The following APOO variants were observed in gnomAD, a reference collection of about 807,000 sequenced individuals.
The protein encoded by APOO is apolipoprotein O.
In APOO, 11 loss-of-function variants were observed where a neutral mutation model predicts 23.1. The ratio of observed to expected loss-of-function variants is 0.48; its 90% CI spans 0.30 to 0.79. APOO has a LOEUF of 0.79. Among genes scored for constraint, APOO ranks in the 30% least tolerant of loss-of-function variants. The pLI is 0.07. For synonymous variants in APOO, 59 were observed against 54.8 expected (o/e 1.08, Z -0.34); for missense variants, 160 against 142.7 (o/e 1.12, Z -0.62).
intron 5 of APOO, among the ~76,000 whole-genome samples, chrX:23,864,601 C>T (rs1925255369): frequency 8.9e-6 from 1 of 112,183 alleles, no homozygotes; most frequent in African/African-American, 3.2e-5. Flanking sequence ...TGTACCCCGA[C>T]AGAATGTGTA....
chrX:23,867,780 G>A (rs1925412899), intron 5 of APOO, among the ~76,000 whole-genome samples: 1 of 111,491 alleles, frequency 9.0e-6, no homozygotes, highest in Admixed American at 9.6e-5. Context: ...CTGACCTTGT[G>A]ATCCACCTGC....
chrX:23,896,459 G>C (rs1926910391), intron 1 of APOO, among the ~76,000 whole-genome samples: 2 of 111,382 alleles, frequency 1.8e-5, no homozygotes, highest in African/African-American at 6.5e-5. Flanking sequence ...TTCCAAATGA[G>C]GAAGAGTAAA....
intron 1 of APOO, among the ~76,000 whole-genome samples, chrX:23,892,152 C>T (rs1200770548): frequency 1.8e-5 from 2 of 109,531 alleles, no homozygotes; most frequent in Non-Finnish European, 3.8e-5. Flanking sequence ...GGCGCAATCT[C>T]GGCTCAAGAC....
chrX:23,871,802 G>C (rs755197518), intron 4 of APOO, among the ~76,000 whole-genome samples: 27 of 111,738 alleles, frequency 2.4e-4, no homozygotes, highest in African/African-American at 8.4e-4. Context: ...TGGCAGAATG[G>C]TGACTTAAAA....
At chrX:23,844,746 C>T (rs1013066708) in intron 7 of APOO, among the ~76,000 whole-genome samples, 3 of 112,198 alleles carry the variant, frequency 2.7e-5, no homozygotes, top group Non-Finnish European at 5.6e-5. Flanking sequence ...TAATCATTTG[C>T]ACTACTTTCA....
chrX:23,841,697 A>G (rs1923991051), intron 7 of APOO, among the ~76,000 whole-genome samples: 1 of 107,682 alleles, frequency 9.3e-6, no homozygotes, highest in African/African-American at 3.4e-5. Context: ...CTCCAGAGCC[A>G]CTCCCCACCC....
At chrX:23,875,000 A>G (rs2147010907) in intron 3 of APOO, among the ~76,000 whole-genome samples, 1 of 111,891 alleles carries the variant, frequency 8.9e-6, no homozygotes, top group Admixed American at 9.5e-5. Flanking sequence ...CTGTAATCCC[A>G]GCACTTTGGG....
chrX:23,867,254 T>C (rs1322860198), intron 5 of APOO, among the ~76,000 whole-genome samples: 1 of 112,023 alleles, frequency 8.9e-6, no homozygotes, highest in Non-Finnish European at 1.9e-5. Context: ...AATCTCATGT[T>C]GAAATGTGAA....
chrX:23,847,613 G>A (rs1924306438), intron 7 of APOO, among the ~76,000 whole-genome samples: 3 of 109,046 alleles, frequency 2.8e-5, no homozygotes, highest in South Asian at 7.8e-4. Context: ...GCGACAGTGC[G>A]AGACTCCATC....
chrX:23,834,116 C>T (rs760650220), intron 8 of APOO, among the ~76,000 whole-genome samples: 12 of 110,282 alleles, frequency 1.1e-4, no homozygotes, highest in Non-Finnish European at 1.9e-4. Flanking sequence ...TCAGAAAGGT[C>T]GAGTGTGGTG....
intron 1 of APOO, among the ~76,000 whole-genome samples, chrX:23,884,651 T>C (rs139519170): frequency 0.016 from 1,724 of 109,288 alleles, 28 homozygotes; most frequent in African/African-American, 0.053. Context: ...CTGGGGGGAG[T>C]TGGGGAGATA....
chrX:23,847,867 A>T (rs900875196), intron 7 of APOO, among the ~76,000 whole-genome samples: 7 of 104,869 alleles, frequency 6.7e-5, no homozygotes, highest in African/African-American at 1.0e-4. Context: ...ATATATATAT[A>T]TATTTATTTA....
chrX:23,865,121 G>A (rs1469527691), intron 5 of APOO, among the ~76,000 whole-genome samples: 1 of 111,590 alleles, frequency 9.0e-6, no homozygotes, highest in East Asian at 2.8e-4. Flanking sequence ...AACCACTGGT[G>A]GCCAATGCTG....
intron 4 of APOO, among the ~76,000 whole-genome samples, chrX:23,871,197 CA>C (rs34502498): frequency 1.9e-3 from 157 of 83,487 alleles, no homozygotes; most frequent in Admixed American, 1.8e-3. Flanking sequence ...CTAAAAATAC[CA>C]AAAAAAAAAA....
chrX:23,844,545 C>CA (rs1289620857), intron 7 of APOO, among the ~76,000 whole-genome samples: 1 of 110,747 alleles, frequency 9.0e-6, no homozygotes, highest in African/African-American at 3.3e-5. Flanking sequence ...CAGGCTTCGA[C>CA]AATAGAGGAA....
intron 4 of APOO, among the ~76,000 whole-genome samples, chrX:23,870,862 A>G (rs1321305991): frequency 9.0e-6 from 1 of 110,985 alleles, no homozygotes; most frequent in Admixed American, 9.7e-5. Flanking sequence ...AGGCCGATGC[A>G]GGCAGATCAC....
At chrX:23,867,201 T>G (rs1415583604) in intron 5 of APOO, among the ~76,000 whole-genome samples, 1 of 111,884 alleles carries the variant, frequency 8.9e-6, no homozygotes, top group Non-Finnish European at 1.9e-5. Flanking sequence ...TTTTTTAAAT[T>G]GGAGGAATAG....
intron 7 of APOO, among the ~76,000 whole-genome samples, chrX:23,845,401 T>C (rs5925936): frequency 0.49 from 53,559 of 110,175 alleles, 11,929 homozygotes; most frequent in African/African-American, 0.87. Flanking sequence ...GATTTTTAAG[T>C]GTACAATACG....
chrX:23,865,893 C>T (rs1308720690), intron 5 of APOO, among the ~76,000 whole-genome samples: 1 of 111,367 alleles, frequency 9.0e-6, no homozygotes, highest in Non-Finnish European at 1.9e-5. Flanking sequence ...TTTAATACTA[C>T]CAAGCTCTCC....
Sources: allele counts gnomAD v4.1 joint callset (sites outside exome capture counted in the v4.1 genomes callset), GRCh38; gene constraint gnomAD v4.1.1; transcripts MANE v1.5; gene names NCBI Gene and HGNC (gene_info 2026-07-23, HGNC 2026-07-21).